Variants in EPYC observed in about 807,000 individuals in gnomAD.
The protein encoded by EPYC is dermatan sulfate proteoglycan 3.
Under a neutral mutation model 30.1 loss-of-function variants are expected in EPYC, and 28 were observed. The observed-to-expected ratio is 0.93, with a 90% CI of 0.69 to 1.28. The LOEUF (loss-of-function observed/expected upper bound fraction) is 1.28. Ranked by LOEUF, EPYC falls within the 50% of genes most tolerant of loss-of-function variation. The probability of loss-of-function intolerance (pLI) is 0.00; values close to 1 mark genes in which losing one functional copy is unlikely to be tolerated. For missense variants in EPYC, 382 were observed against 383.5 expected (o/e 1.00, Z 0.03); for synonymous variants, 144 against 141.4 (o/e 1.02, Z -0.13).
At chr12:90,975,585 T>C (rs893422127) in intron 3 of EPYC, among the ~76,000 whole-genome samples, 2 of 152,230 alleles carry the variant, frequency 1.3e-5, no homozygotes, top group Middle Eastern at 3.4e-3. Flanking sequence ...TGTTTCTAAA[T>C]TGACATTAGT....
chr12:90,971,436 G>A (rs1243460008), intron 5 of EPYC, among the ~76,000 whole-genome samples: 2 of 152,024 alleles, frequency 1.3e-5, no homozygotes, highest in African/African-American at 2.4e-5. Context: ...TTGGGAGGCC[G>A]AAGCGGGAGG....
intron 3 of EPYC, among the ~76,000 whole-genome samples, chr12:90,974,591 T>C (rs955338284): frequency 6.6e-6 from 1 of 151,852 alleles, no homozygotes; most frequent in South Asian, 2.1e-4. Flanking sequence ...CAGTAGGAAA[T>C]AGAACTCAAA....
Position 90,970,095 on chromosome 12 carries a change from C to T in EPYC, c.747G>A (p.Leu249=). ...CTGGGAGTGGCAGAGGGATGTGGTCCAAGTTGTTATCAGTGAGGTACAGAT... is the reference window on the plus strand; with the variant it reads ...CTGGGAGTGGCAGAGGGATGTGGTCTAAGTTGTTATCAGTGAGGTACAGAT... ...LHHLYLTDNN[L]DHIPLPLPEN... The change falls in exon 6 of 7, where the codon TTG becomes TTA. Residue 249 remains leucine, a synonymous_variant. Coordinates refer to ENST00000261172, the MANE Select transcript of EPYC (RefSeq NM_004950.5). 6.2e-7 allele frequency: 1 copy of T among 1,613,940 alleles called. No homozygotes were observed. Among genetic ancestry groups the T allele is most frequent in the Non-Finnish European group, 8.5e-7 (1 of 1,179,880 alleles).
chr12:90,972,100 C>G, intron 4 of EPYC, 98 bp from the exon 5 acceptor site: 3 of 695,380 alleles, frequency 4.3e-6, no homozygotes, highest in Non-Finnish European at 6.9e-6. Flanking sequence ...ATAAATTTAG[C>G]AATGCACAGT....
intron 5 of EPYC, 150 bp from the exon 6 acceptor site, chr12:90,970,289 G>A (rs1426296887): frequency 3.3e-6 from 2 of 606,012 alleles, no homozygotes; most frequent in Non-Finnish European, 5.6e-6. Flanking sequence ...TAAAGTTGAG[G>A]CAGCTTAGTT....
At chr12:90,974,468 A>G (rs373689353) in intron 3 of EPYC, among the ~76,000 whole-genome samples, 27 of 152,242 alleles carry the variant, frequency 1.8e-4, no homozygotes, top group African/African-American at 6.3e-4. Context: ...AGTGATATCT[A>G]TAATAAAATA....
At chr12:90,985,630 G>C (rs781147667) in intron 2 of EPYC, among the ~76,000 whole-genome samples, 30 of 150,400 alleles carry the variant, frequency 2.0e-4, no homozygotes, top group Non-Finnish European at 4.2e-4. Context: ...CTTGTTATCT[G>C]TGTGATTTGC....
intron 6 of EPYC, among the ~76,000 whole-genome samples, chr12:90,969,506 C>T (rs1876981029): frequency 7.3e-6 from 1 of 137,096 alleles, no homozygotes; most frequent in Admixed American, 7.7e-5. Flanking sequence ...ATAACCAAAA[C>T]TTTCAAATAT....
chr12:90,977,301 AT>A (rs1307714099), intron 3 of EPYC, among the ~76,000 whole-genome samples: 2 of 152,168 alleles, frequency 1.3e-5, no homozygotes, highest in African/African-American at 4.8e-5. Flanking sequence ...ACAGTGACAC[AT>A]TTGAACAAGA....
At position 90,978,223 on chromosome 12, in the gene EPYC, G is replaced by T. The variant is rs763950250; in HGVS notation, c.205C>A (p.Leu69Ile). 1 of 1,598,826 alleles carries T rather than the reference G, an allele frequency of 6.3e-7. No homozygotes were observed. Among genetic ancestry groups the T allele is most frequent in the Non-Finnish European group, 8.5e-7 (1 of 1,174,482 alleles). Residue 69 changes from leucine to isoleucine, a missense_variant, in exon 3 of 7, where the codon CTC becomes ATC. By Grantham distance (5) the Leu-to-Ile change is conservative. Coordinates refer to ENST00000261172, the MANE Select transcript of EPYC (RefSeq NM_004950.5). ...ATVMPSGNRE[L>I]LTPPPQPEKA... ...TCAGGCTGTGGGGGTGGAGTGAGGAGCTCTCTGTTCCCTGAAGGCATCACT... is the reference window on the plus strand; with the variant it reads ...TCAGGCTGTGGGGGTGGAGTGAGGATCTCTCTGTTCCCTGAAGGCATCACT...
At chr12:90,986,327 T>C (rs1234724677) in intron 2 of EPYC, among the ~76,000 whole-genome samples, 1 of 152,086 alleles carries the variant, frequency 6.6e-6, no homozygotes, top group African/African-American at 2.4e-5. Flanking sequence ...GTTAGACATT[T>C]AAAAGCTCAA....
intron 6 of EPYC, among the ~76,000 whole-genome samples, chr12:90,969,688 A>AT (rs1328674471): frequency 6.6e-6 from 1 of 152,000 alleles, no homozygotes; most frequent in Non-Finnish European, 1.5e-5. Flanking sequence ...GTCAAGTTAG[A>AT]TTTTTATTTC....
rs534641231 is a variant in EPYC at position 90,979,494 on chromosome 12, A to C, written c.166-1232T>G. ...GTATTTTCTAGGTGTTTGAGTAACC[A>C]AAAAATTTTAGGAATACACTTATGA... is the stretch of plus-strand genomic sequence containing the variant. On this transcript the variant is annotated intron_variant, in intron 2 of 6. Coordinates refer to ENST00000261172, the MANE Select transcript of EPYC (RefSeq NM_004950.5). Among the ~76,000 whole-genome samples, 10 of 152,320 alleles carry C rather than the reference A, an allele frequency of 6.6e-5. No homozygotes were observed. The South Asian group carries it at 2.1e-3, about 32-fold the overall frequency.
intron 4 of EPYC, 88 bp downstream of exon 4, chr12:90,972,734 G>A: frequency 8.4e-7 from 1 of 1,186,466 alleles, no homozygotes. Context: ...TGGCATTCAA[G>A]TTTCATTCTC....
chr12:90,993,773 TA>T (rs1877639469), intron 2 of EPYC, among the ~76,000 whole-genome samples: 1 of 151,498 alleles, frequency 6.6e-6, no homozygotes, highest in Non-Finnish European at 1.5e-5. Context: ...TATTTTGAGA[TA>T]AAATTATTGA....
intron 2 of EPYC, among the ~76,000 whole-genome samples, chr12:90,979,157 A>G (rs1321724957): frequency 2.0e-5 from 3 of 152,000 alleles, no homozygotes. Context: ...CTGAATGTCT[A>G]TTTCTTTGTG....
At chr12:91,002,375 G>C in intron 2 of EPYC, 26 bp downstream of exon 2, 1 of 1,596,918 alleles carries the variant, frequency 6.3e-7, no homozygotes, top group Non-Finnish European at 8.5e-7. Flanking sequence ...GCTTTTTAAA[G>C]TTTCAAGAGT....
chr12:90,979,468 G>A (rs148848356), intron 2 of EPYC, among the ~76,000 whole-genome samples: 104 of 152,174 alleles, frequency 6.8e-4, no homozygotes, highest in African/African-American at 2.4e-3. Context: ...TTTCAGACCA[G>A]GTATTTTCTA....
intron 5 of EPYC, 87 bp from the exon 6 acceptor site, chr12:90,970,226 C>G: frequency 1.1e-6 from 1 of 907,566 alleles, no homozygotes; most frequent in Non-Finnish European, 1.8e-6. Flanking sequence ...TTCCCATTCC[C>G]TCTACATGCA....
Sources: gnomAD v4.1 joint callset for allele counts (sites outside exome capture counted in the v4.1 genomes callset) on GRCh38, gnomAD v4.1.1 for gene constraint, MANE v1.5 for transcripts, NCBI Gene and HGNC (gene_info 2026-07-23, HGNC 2026-07-21) for gene names.